SNX10: variants seen among roughly 807,000 people sequenced by gnomAD.
SNX10 encodes sorting nexin 10.
SNX10 carries 25 observed loss-of-function variants against 28.5 expected under a neutral mutation model. The ratio of observed to expected loss-of-function variants is 0.88; its 90% confidence interval spans 0.64 to 1.22. The LOEUF is 1.22. Among genes scored for constraint, SNX10 ranks in the 50% most tolerant of loss-of-function variants. The pLI is 0.00. For synonymous variants in SNX10, 62 were observed against 81.4 expected (o/e 0.76, Z 1.28); for missense variants, 223 against 242.6 (o/e 0.92, Z 0.54).
intron 1 of SNX10, among the ~76,000 whole-genome samples, chr7:26,334,594 C>T (rs1040986989): frequency 6.6e-6 from 1 of 152,020 alleles, no homozygotes; most frequent in African/African-American, 2.4e-5. Context: ...ATTTTAAACC[C>T]TAAATTTGGC....
rs1371772743 is a variant in SNX10 at position 26,367,331 on chromosome 7, G to A, written c.311+2186G>A. 2.6e-5 allele frequency among the ~76,000 whole-genome samples: 4 copies of A among 152,280 alleles called. No individual in the cohort carries two copies. The East Asian group carries it at 7.7e-4, about 29-fold the overall frequency. ...GGGGAGCACTGTGTACACATCCAGGGCTACGGCTAGATTCATTAACACTGA... is the reference window on the plus strand; with the variant it reads ...GGGGAGCACTGTGTACACATCCAGGACTACGGCTAGATTCATTAACACTGA... On this transcript the variant is annotated intron_variant, in intron 5 of 6. Transcript: ENST00000338523.
intron 2 of SNX10, among the ~76,000 whole-genome samples, chr7:26,352,696 A>G (rs1220728424): frequency 6.6e-6 from 1 of 152,254 alleles, no homozygotes; most frequent in Non-Finnish European, 1.5e-5. Flanking sequence ...ATGTTAAATA[A>G]TTAAACAATT....
intron 2 of SNX10, among the ~76,000 whole-genome samples, chr7:26,356,334 G>A (rs1788816615): frequency 6.6e-6 from 1 of 152,270 alleles, no homozygotes; most frequent in African/African-American, 2.4e-5. Context: ...GTTTAATAAG[G>A]TTATTAAATT....
intron 1 of SNX10, among the ~76,000 whole-genome samples, chr7:26,332,169 G>T (rs975498483): frequency 6.6e-6 from 1 of 152,132 alleles, no homozygotes; most frequent in Non-Finnish European, 1.5e-5. Flanking sequence ...CAGACTTTTC[G>T]CAAGGGGCTG....
intron 1 of SNX10, among the ~76,000 whole-genome samples, chr7:26,306,092 CG>C (rs1354636260): frequency 6.7e-6 from 1 of 150,340 alleles, no homozygotes; most frequent in Admixed American, 6.6e-5. Flanking sequence ...TTTGTAGAGA[CG>C]GGTTTTCGCC....
intron 5 of SNX10, among the ~76,000 whole-genome samples, chr7:26,366,497 A>C (rs1301784421): frequency 1.3e-5 from 2 of 152,168 alleles, no homozygotes; most frequent in Admixed American, 6.5e-5. Flanking sequence ...TTTGGGGGGT[A>C]TCACAGGCAT....
chr7:26,322,955 A>G (rs1279456913), intron 1 of SNX10, among the ~76,000 whole-genome samples: 1 of 152,186 alleles, frequency 6.6e-6, no homozygotes, highest in Non-Finnish European at 1.5e-5. Context: ...TGCTAAGAAG[A>G]TAAAATAGTG....
intron 2 of SNX10, among the ~76,000 whole-genome samples, chr7:26,352,994 T>C (rs1056484449): frequency 1.3e-5 from 2 of 152,164 alleles, no homozygotes; most frequent in Non-Finnish European, 2.9e-5. Context: ...GGAGGTTTTT[T>C]TTTTCTGCAC....
rs116394916 is a variant in SNX10 at position 26,319,863 on chromosome 7, A to C, written c.-23-26557A>C. ...TCTCCAGGACGTTTCCTTCCCTAGTACTGGTTTTTCCTAATTCAGCAAAAG... is the reference window on the plus strand; with the variant it reads ...TCTCCAGGACGTTTCCTTCCCTAGTCCTGGTTTTTCCTAATTCAGCAAAAG... On this transcript the variant is annotated intron_variant, in intron 1 of 6. Coordinates refer to ENST00000338523, the MANE Select transcript of SNX10 (RefSeq NM_013322.3). Among the ~76,000 whole-genome samples, 982 of 152,248 alleles carry C rather than the reference A, an allele frequency of 6.5e-3. 10 individuals carry two copies. Among genetic ancestry groups the C allele is most frequent in the African/African-American group, 0.023 (936 of 41,564 alleles).
Position 26,295,206 on chromosome 7 carries a change from A to G in SNX10, c.-24+3120A>G, listed in dbSNP as rs117647760. Among the ~76,000 whole-genome samples, 658 of 152,088 alleles carry G rather than the reference A, an allele frequency of 4.3e-3. 20 individuals carry two copies. The East Asian group carries it at 0.081, about 19-fold the overall frequency. ...TCAGATCTGTGAACCCCTTTCAAAT[A>G]TATGATGTCATTTTTACTTTTTTTT... On this transcript the variant is annotated intron_variant, in intron 1 of 6. Coordinates refer to ENST00000338523, the MANE Select transcript of SNX10 (RefSeq NM_013322.3).
In SNX10 at chr7:26,364,765, G is replaced by A. The variant is rs928846850; in HGVS notation, c.212+130G>A. ...GCCTTGATTACAATATGTAGCTTTA[G>A]TTTCTTAGCTACTGCATCTGAATTT... On this transcript the variant is annotated intron_variant, in intron 4 of 6. Transcript: ENST00000338523. The surrounding 1 kb of genome is among the most constrained non-coding windows in gnomAD (Gnocchi z 4.9). 1 of 679,190 alleles carries A rather than the reference G, an allele frequency of 1.5e-6. No individual in the cohort carries two copies. The highest frequency in any genetic ancestry group is 1.8e-5 in the African/African-American group (1 of 55,412). The allele number at this position is 679,190 out of a possible 1,614,324, so 42.1% of individuals were successfully genotyped here.
chr7:26,331,303 A>C (rs1279222191), intron 1 of SNX10, among the ~76,000 whole-genome samples: 1 of 152,230 alleles, frequency 6.6e-6, no homozygotes, highest in African/African-American at 2.4e-5. Context: ...ATGTGCATAC[A>C]GGCCGGGCGT....
At chr7:26,346,367 C>G in intron 1 of SNX10, 53 bp from the exon 2 acceptor site, 1 of 1,099,352 alleles carries the variant, frequency 9.1e-7, no homozygotes, top group Non-Finnish European at 1.4e-6. Context: ...AGTGGTGTAT[C>G]CACTCCAGTT....
At chr7:26,351,646 GTT>G (rs982361856) in intron 2 of SNX10, among the ~76,000 whole-genome samples, 1 of 112,636 alleles carries the variant, frequency 8.9e-6, no homozygotes, top group African/African-American at 3.2e-5. Context: ...AAGCAGTCTG[GTT>G]TTTTTTTTTT....
chr7:26,342,001 T>TTTC (rs1156765856), intron 1 of SNX10, among the ~76,000 whole-genome samples: 9 of 146,158 alleles, frequency 6.2e-5, no homozygotes, highest in African/African-American at 2.0e-4. Flanking sequence ...TCTCTCTTTC[T>TTTC]TTCTTTCCTT....
At chr7:26,338,384 C>T (rs1160798097) in intron 1 of SNX10, among the ~76,000 whole-genome samples, 4 of 151,986 alleles carry the variant, frequency 2.6e-5, no homozygotes, top group Non-Finnish European at 2.9e-5. Flanking sequence ...ATTGAAACGG[C>T]GAGAGAGTAA....
At chr7:26,365,898 C>T (rs1789270343) in intron 5 of SNX10, among the ~76,000 whole-genome samples, 2 of 152,156 alleles carry the variant, frequency 1.3e-5, no homozygotes, top group Admixed American at 1.3e-4. Flanking sequence ...TGTGTCTTCC[C>T]ATCTATAAAA....
intron 1 of SNX10, among the ~76,000 whole-genome samples, chr7:26,330,216 A>AG (rs11435276): frequency 0.43 from 65,236 of 151,774 alleles, 14,596 homozygotes; most frequent in South Asian, 0.58. Flanking sequence ...GTAGGAGGTC[A>AG]GAAAAAGTGG....
At chr7:26,337,460 G>T (rs1429496092) in intron 1 of SNX10, among the ~76,000 whole-genome samples, 2 of 151,992 alleles carry the variant, frequency 1.3e-5, no homozygotes, top group Admixed American at 1.3e-4. Context: ...CCCCTTAAAT[G>T]CTCCTTTCAC....
Sources: gnomAD v4.1 joint callset for allele counts (sites outside exome capture counted in the v4.1 genomes callset) on GRCh38, gnomAD v4.1.1 for gene constraint, Gnocchi (gnomAD v3.1) non-coding constraint, MANE v1.5 for transcripts, NCBI Gene and HGNC (gene_info 2026-07-23, HGNC 2026-07-21) for gene names.